CDC42BPB: variants seen among roughly 807,000 people sequenced by gnomAD.
The protein encoded by CDC42BPB is serine/threonine-protein kinase MRCK beta.
In CDC42BPB, 37 loss-of-function variants were observed where a neutral mutation model predicts 214.9. That is an observed-to-expected ratio of 0.17 (90% CI 0.13 to 0.23). The LOEUF is 0.23. Ranked by LOEUF, CDC42BPB falls within the 10% of genes least tolerant of loss-of-function variation. The probability of loss-of-function intolerance (pLI) is 1.00; values close to 1 mark genes in which losing one functional copy is unlikely to be tolerated. For missense variants in CDC42BPB, 1,694 were observed against 2,227.0 expected (o/e 0.76, Z 4.82); for synonymous variants, 931 against 884.0 (o/e 1.05, Z -0.94).
rs918938204 is a variant in CDC42BPB at position 103,001,352 on chromosome 14, C to T, written c.448-1639G>A. Among the ~76,000 whole-genome samples the T allele has an allele frequency of 2.0e-5, 3 of 152,194 alleles. No homozygotes were observed. The highest frequency in any genetic ancestry group is 2.9e-5 in the Non-Finnish European group (2 of 68,024). On this transcript the variant is annotated intron_variant, in intron 4 of 36. Transcript: ENST00000361246. The surrounding 1 kb of genome is among the most constrained non-coding windows in gnomAD (Gnocchi z 5.8). ...AGCTCACACTGGGGGCGGGAGAGAC[C>T]GTGGCCAGCATGGAGAGCAGGCAGT... is the stretch of plus-strand genomic sequence containing the variant.
At chr14:102,945,620 G>A (rs973140707) in intron 29 of CDC42BPB, 42 bp downstream of exon 29, 13 of 1,557,842 alleles carry the variant, frequency 8.3e-6, no homozygotes, top group Non-Finnish European at 9.7e-6. Context: ...AGGCCAGGCT[G>A]GGCCTGTGAC....
chr14:103,012,296 T>G, intron 1 of CDC42BPB, 108 bp from the exon 2 acceptor site: 2 of 1,471,398 alleles, frequency 1.4e-6, no homozygotes, highest in Non-Finnish European at 1.8e-6. Context: ...AAAAGTTTGT[T>G]TGAAAATATT....
rs1195087599 is a variant in CDC42BPB, at chr14:102,951,843, AAAT to A, written c.3172+652_3172+654del. ...ACGAATGACGACCAGAAGCAGAGAC[AAAT>A]AATTGTGGTTATCTTTAGATAATTT... On this transcript the variant is annotated intron_variant, in intron 24 of 36. Transcript: ENST00000361246. Among the ~76,000 whole-genome samples the A allele has an allele frequency of 4.6e-5, 7 of 152,242 alleles. No homozygotes were observed. The East Asian group carries it at 5.8e-4, about 13-fold the overall frequency.
chr14:102,976,026 A>G lies in CDC42BPB; in HGVS notation c.1244T>C (p.Leu415Pro), dbSNP rs1389670141. The change falls in exon 10 of 37, where the codon CTG (leucine) becomes CCG (proline). Residue 415 changes from leucine to proline, a missense_variant. Leu to Pro is a moderately conservative substitution (Grantham distance 98, BLOSUM62 -3). Transcript: ENST00000361246. ...TESCFSDRGS[L>P]KSIMQSNTLT... ...TGTGTTGGACTGCATTATGCTCTTCAGAGAGCCTCGATCAGAAAAACAGCT... is the reference window on the plus strand; with the variant it reads ...TGTGTTGGACTGCATTATGCTCTTCGGAGAGCCTCGATCAGAAAAACAGCT... The G allele has an allele frequency of 1.2e-6, 2 of 1,613,650 alleles. No individual in the cohort carries two copies. Among genetic ancestry groups the G allele is most frequent in the Non-Finnish European group, 1.7e-6 (2 of 1,179,526 alleles).
chr14:102,973,634 G>A (rs1054188625), intron 12 of CDC42BPB, among the ~76,000 whole-genome samples: 22 of 149,972 alleles, frequency 1.5e-4, no homozygotes, highest in Non-Finnish European at 2.9e-4. Context: ...ACCATGCCCT[G>A]TGGACGGCCA....
chr14:103,030,127 A>G (rs1887283108), intron 1 of CDC42BPB, among the ~76,000 whole-genome samples: 1 of 150,690 alleles, frequency 6.6e-6, no homozygotes, highest in Admixed American at 6.6e-5. Flanking sequence ...TCCTGAACAG[A>G]GGAGAAGCGT....
chr14:103,055,872 A>G (rs1888918969), intron 1 of CDC42BPB, among the ~76,000 whole-genome samples: 1 of 152,234 alleles, frequency 6.6e-6, no homozygotes, highest in Non-Finnish European at 1.5e-5. Flanking sequence ...CAAAGATTAG[A>G]AATTACTGGT....
Position 102,949,745 on chromosome 14 carries a change from A to G in CDC42BPB, c.3449+20T>C, listed in dbSNP as rs766584728. The G allele has an allele frequency of 8.1e-6, 13 of 1,613,018 alleles. No homozygotes were observed. In the South Asian group the frequency reaches 9.9e-5, roughly 12 times the overall value. On this transcript the variant is annotated intron_variant, in intron 26 of 36. Transcript: ENST00000361246. ...TGAGGAAGATTCACAGAGCAAGGACAGTGCTGCCCAAACGCAGACCTGAGA... is the reference window on the plus strand; with the variant it reads ...TGAGGAAGATTCACAGAGCAAGGACGGTGCTGCCCAAACGCAGACCTGAGA...
At chr14:103,012,988 A>G (rs1339579177) in intron 1 of CDC42BPB, among the ~76,000 whole-genome samples, 1 of 152,226 alleles carries the variant, frequency 6.6e-6, no homozygotes, top group African/African-American at 2.4e-5. Flanking sequence ...TGTTCGCACA[A>G]TGACAAAAAC....
chr14:103,014,367 A>G (rs1886340373), intron 1 of CDC42BPB, among the ~76,000 whole-genome samples: 1 of 152,126 alleles, frequency 6.6e-6, no homozygotes, highest in African/African-American at 2.4e-5. Flanking sequence ...CTTCAAGCCC[A>G]AATCTGCATG....
chr14:103,028,890 C>A (rs1471652504), intron 1 of CDC42BPB, among the ~76,000 whole-genome samples: 3 of 152,002 alleles, frequency 2.0e-5, no homozygotes, highest in Non-Finnish European at 4.4e-5. Flanking sequence ...TTTTTTTCAT[C>A]CTAGCATAGA....
intron 12 of CDC42BPB, 110 bp from the exon 13 acceptor site, chr14:102,972,271 T>G: frequency 6.5e-7 from 1 of 1,538,316 alleles, no homozygotes; most frequent in East Asian, 2.3e-5. Flanking sequence ...CCAATGCTGG[T>G]TACAGATTAG....
At chr14:103,005,269 TCAAGCTTAA>T (rs769544608) in intron 3 of CDC42BPB, among the ~76,000 whole-genome samples, 23 of 152,198 alleles carry the variant, frequency 1.5e-4, no homozygotes, top group African/African-American at 2.9e-4. Flanking sequence ...TTTGAACTTG[TCAAGCTTAA>T]CAAAAATATA....
rs1295930300 is a variant in CDC42BPB, at chr14:102,983,670, C to A, written c.777G>T (p.Gly259=). The change falls in exon 7 of 37, where the codon GGG becomes GGT. Residue 259 remains glycine (G), a synonymous_variant. Coordinates refer to ENST00000361246, the MANE Select transcript of CDC42BPB (RefSeq NM_006035.4). ...CCAGAGACCACCAGTCACACTCAGG[C>A]CCGTATTTGCCCATGCCGTCCTCCA... ...QAMEDGMGKY[G]PECDWWSLGV... is the part of the protein sequence containing the mutation. 6 of 1,613,978 alleles carry A rather than the reference C, an allele frequency of 3.7e-6. No homozygotes were observed. In the Admixed American group the frequency reaches 1.0e-4, roughly 27 times the overall value.
intron 17 of CDC42BPB, 21 bp downstream of exon 17, chr14:102,967,025 C>T (rs951157047): frequency 8.1e-6 from 13 of 1,610,360 alleles, no homozygotes; most frequent in Non-Finnish European, 1.1e-5. Context: ...TTCACGGCCG[C>T]TAATGGGGCC....
At chr14:102,965,993 C>A (rs1239727597) in intron 18 of CDC42BPB, among the ~76,000 whole-genome samples, 1 of 152,110 alleles carries the variant, frequency 6.6e-6, no homozygotes, top group African/African-American at 2.4e-5. Context: ...ACTAAATGAA[C>A]CAATGAAATT....
At chr14:102,974,940 C>T (rs1164798072) in intron 11 of CDC42BPB, among the ~76,000 whole-genome samples, 2 of 151,802 alleles carry the variant, frequency 1.3e-5, no homozygotes, top group South Asian at 2.1e-4. Flanking sequence ...AGTGAGACTC[C>T]GTCTCAAAAA....
At chr14:103,027,705 G>A in intron 1 of CDC42BPB, among the ~76,000 whole-genome samples, 1 of 152,210 alleles carries the variant, frequency 6.6e-6, no homozygotes, top group East Asian at 1.9e-4. Context: ...TGGTTGCCAG[G>A]GGCTGGGGAG....
chr14:103,050,587 G>C (rs138115326), intron 1 of CDC42BPB, among the ~76,000 whole-genome samples: 141 of 152,090 alleles, frequency 9.3e-4, no homozygotes, highest in African/African-American at 3.3e-3. Flanking sequence ...GCAAGACCTC[G>C]TTTCCACAAA....
Sources: gnomAD v4.1 joint callset for allele counts (sites outside exome capture counted in the v4.1 genomes callset) on GRCh38, gnomAD v4.1.1 for gene constraint, Gnocchi (gnomAD v3.1) non-coding constraint, MANE v1.5 for transcripts, NCBI Gene and HGNC (gene_info 2026-07-23, HGNC 2026-07-21) for gene names.